Variants in FAM120AOS observed in about 807,000 individuals in gnomAD.
FAM120AOS encodes the protein uncharacterized protein FAM120AOS.
A neutral mutation model predicts 20.2 loss-of-function variants in FAM120AOS; 15 were observed. That is an observed-to-expected ratio of 0.74 (90% confidence interval 0.50 to 1.15). The LOEUF (loss-of-function observed/expected upper bound fraction) is 1.15, where lower values mean the gene tolerates loss of function less well. FAM120AOS is among the 50% of genes most tolerant of loss of function. The probability of loss-of-function intolerance (pLI) is 0.00; values close to 1 mark genes in which losing one functional copy is unlikely to be tolerated. For synonymous variants in FAM120AOS, 154 were observed against 154.0 expected (o/e 1.00, Z 0.00); for missense variants, 327 against 351.9 (o/e 0.93, Z 0.57).
In FAM120AOS at chr9:93,452,427, C is replaced by T. The variant is rs1013288049; in HGVS notation, c.283G>A (p.Gly95Ser). ...ALGRGIGVRR[G>S]PGPRPARIPG... ...ATCCGGGCGGGCCGGGGACCGGGGC[C>T]GCGCCGCACCCCTATCCCCCTTCCC... The change falls in exon 1 of 3, where the codon GGC becomes AGC. Residue 95 changes from glycine (G) to serine (S), a missense_variant. Physicochemically the swap from Gly to Ser is moderately conservative, Grantham distance 56. This residue lies in a region of FAM120AOS where 86 missense variants were observed against 140.2 expected (regional missense o/e 0.61). Transcript: ENST00000375412. This position sits in a 1 kb window ranked among gnomAD's most constrained non-coding sequence, Gnocchi z 7.0. 1 of 1,572,790 alleles carries T rather than the reference C, an allele frequency of 6.4e-7. No homozygotes were observed. Among genetic ancestry groups the T allele is most frequent in the African/African-American group, 1.3e-5 (1 of 74,222 alleles).
Position 93,446,527 on chromosome 9 carries a change from A to C in FAM120AOS, c.*1084T>G, listed in dbSNP as rs781384075. On this transcript the variant is annotated 3_prime_UTR_variant, in exon 3 of 3. Coordinates refer to ENST00000375412, the MANE Select transcript of FAM120AOS (RefSeq NM_198841.4). ...ACATTGTAAAATATAGTTTACTTCA[A>C]AAGATGATCCTGAAGATCCCATCAC... 3.3e-5 allele frequency: 5 copies of C among 152,246 alleles called. No individual in the cohort carries two copies. Among genetic ancestry groups the C allele is most frequent in the Non-Finnish European group, 7.3e-5 (5 of 68,038 alleles). The allele number at this position is 152,246 out of a possible 1,614,324, so 9.4% of individuals were successfully genotyped here.
Position 93,453,274 on chromosome 9 carries a change from G to GC in FAM120AOS, c.-566dup. The GC allele has an allele frequency of 9.1e-6, 9 of 988,180 alleles. No individual in the cohort carries two copies. Among genetic ancestry groups the GC allele is most frequent in the Non-Finnish European group, 1.1e-5 (9 of 831,884 alleles). 61.2% of individuals were successfully genotyped at this position (988,180 alleles called of 1,614,324 possible). On this transcript the variant is annotated 5_prime_UTR_variant, in exon 1 of 3. The change creates a premature stop within an existing upstream ORF in the 5' untranslated region. Transcript: ENST00000375412. Reference sequence around the variant, plus strand: ...GGGTAATCAGAGCTCTATATCACCGGCCTCCTCTGGCCCTTTGGCAGAGGG... The same window carrying GC: ...GGGTAATCAGAGCTCTATATCACCGGCCCTCCTCTGGCCCTTTGGCAGAGGG...
At position 93,452,902 on chromosome 9, in the gene FAM120AOS, G is replaced by A. The variant is rs191040267; in HGVS notation, c.-193C>T. On this transcript the variant is annotated 5_prime_UTR_variant, in exon 1 of 3. Transcript: ENST00000375412. This position sits in a 1 kb window ranked among gnomAD's most constrained non-coding sequence, Gnocchi z 7.0. ...TGCTGCCGCCGCCCTTGCCAATGTT[G>A]TTAGCCCGGTGACAGCGAGACGTGT... 4.5e-4 allele frequency: 642 copies of A among 1,438,156 alleles called. 3 individuals are homozygous for A. The African/African-American group carries it at 8.5e-3, about 19-fold the overall frequency. The allele number at this position is 1,438,156 out of a possible 1,614,324, so 89.1% of individuals were successfully genotyped here. A position where few individuals can be genotyped will look rare whatever the true frequency, so the allele number is the denominator to read the frequency against.
rs963814427 is a variant in FAM120AOS at position 93,453,560 on chromosome 9, G to A, written c.-851C>T. 4 of 985,446 alleles carry A rather than the reference G, an allele frequency of 4.1e-6. No individual in the cohort carries two copies. The highest frequency in any genetic ancestry group is 4.8e-6 in the Non-Finnish European group (4 of 829,940). The allele number at this position is 985,446 out of a possible 1,614,324, so 61.0% of individuals were successfully genotyped here. A position where few individuals can be genotyped will look rare whatever the true frequency, so the allele number is the denominator to read the frequency against. Reference sequence around the variant, plus strand: ...TCGCGGTTGCCCCCACTGCCCGCGAGGAGATGGTGGTAGTTAAGCCTAAAA... The same window carrying A: ...TCGCGGTTGCCCCCACTGCCCGCGAAGAGATGGTGGTAGTTAAGCCTAAAA... On this transcript the variant is annotated 5_prime_UTR_variant, in exon 1 of 3. Coordinates refer to ENST00000375412, the MANE Select transcript of FAM120AOS (RefSeq NM_198841.4).
intron 2 of FAM120AOS, among the ~76,000 whole-genome samples, chr9:93,449,059 G>GTTTTTTTTTTT (rs141231806): frequency 7.0e-6 from 1 of 142,546 alleles, no homozygotes. Flanking sequence ...AATAAATAAA[G>GTTTTTTTTTTT]TTTTTTTTTT....
chr9:93,451,304 A>T, intron 1 of FAM120AOS: 1 of 1,455,440 alleles, frequency 6.9e-7, no homozygotes, highest in Non-Finnish European at 9.1e-7. Flanking sequence ...TGCTTCCCTC[A>T]GGAGCAGGCG....
Position 93,452,338 on chromosome 9 carries a change from C to G in FAM120AOS, c.372G>C (p.Thr124=). Residue 124 remains threonine, a synonymous_variant, in exon 1 of 3, where the codon ACG becomes ACC. Transcript: ENST00000375412. This position sits in a 1 kb window ranked among gnomAD's most constrained non-coding sequence, Gnocchi z 7.0. ...CGCCAAAGGTCTGGTTCCTGCCGCC[C>G]GTCTGCATGGCCCACTGCATCCGCC... ...SARRMQWAMQ[T]GGRNQTFGGG... The G allele has an allele frequency of 6.2e-7, 1 of 1,612,890 alleles. No individual in the cohort carries two copies. Among genetic ancestry groups the G allele is most frequent in the Non-Finnish European group, 8.5e-7 (1 of 1,179,840 alleles).
Position 93,452,551 on chromosome 9 carries a change from TG to T in FAM120AOS, c.158del (p.Pro53HisfsTer38). On this transcript the variant is annotated frameshift_variant, in exon 1 of 3. Transcript: ENST00000375412. LOFTEE classifies it high-confidence loss of function. The surrounding 1 kb of genome is among the most constrained non-coding windows in gnomAD (Gnocchi z 7.0). ...AWAARGLHPR[P>X]SILQPGPARL... is the part of the protein sequence containing the mutation. Reference sequence around the variant, plus strand: ...TGGCCGGGCCGGGCTGCAAGATGGATGGCCGCGGGTGCAGGCCGCGCGCTGC... The same window carrying T: ...TGGCCGGGCCGGGCTGCAAGATGGATGCCGCGGGTGCAGGCCGCGCGCTGC... 1 of 1,580,546 alleles carries T rather than the reference TG, an allele frequency of 6.3e-7. No individual in the cohort carries two copies. The highest frequency in any genetic ancestry group is 8.5e-7 in the Non-Finnish European group (1 of 1,169,956).
intron 1 of FAM120AOS, 32 bp from the exon 2 acceptor site, chr9:93,450,631 G>C: frequency 1.2e-6 from 2 of 1,608,606 alleles, no homozygotes; most frequent in Non-Finnish European, 1.7e-6. Context: ...AGAGATGAAG[G>C]TAAGTAAAAG....
At chr9:93,448,760 G>A (rs1368081493) in intron 2 of FAM120AOS, among the ~76,000 whole-genome samples, 1 of 152,004 alleles carries the variant, frequency 6.6e-6, no homozygotes, top group Non-Finnish European at 1.5e-5. Flanking sequence ...TGGGACTATA[G>A]GCGCCTGCCA....
chr9:93,446,738 C>T lies in FAM120AOS; in HGVS notation c.*873G>A, dbSNP rs989245770. The T allele has an allele frequency of 9.9e-5, 15 of 152,114 alleles. No individual in the cohort carries two copies. The highest frequency in any genetic ancestry group is 5.8e-4 in the East Asian group (3 of 5,184). 9.4% of individuals were successfully genotyped at this position (152,114 alleles called of 1,614,324 possible). On this transcript the variant is annotated 3_prime_UTR_variant, in exon 3 of 3. Coordinates refer to ENST00000375412, the MANE Select transcript of FAM120AOS (RefSeq NM_198841.4). Reference sequence around the variant, plus strand: ...AGAGTCTATAGCACTCATCTGAAGGCCCTCCATGAGAACAACTCTTCTCTT... The same window carrying T: ...AGAGTCTATAGCACTCATCTGAAGGTCCTCCATGAGAACAACTCTTCTCTT...
Position 93,453,008 on chromosome 9 carries a change from C to T in FAM120AOS, c.-299G>A. On this transcript the variant is annotated 5_prime_UTR_variant, in exon 1 of 3. Transcript: ENST00000375412. The stretch of plus-strand genomic sequence containing the variant: ...TCTTAGTACAGGGTGTTTAGAGAAT[C>T]TTTCTATGGCTTTTTGTGTTAGATT... The T allele has an allele frequency of 8.2e-7, 1 of 1,216,820 alleles. No individual in the cohort carries two copies. The highest frequency in any genetic ancestry group is 1.0e-6 in the Non-Finnish European group (1 of 974,510). The allele number at this position is 1,216,820 out of a possible 1,614,324, so 75.4% of individuals were successfully genotyped here. A position where few individuals can be genotyped will look rare whatever the true frequency, so the allele number is the denominator to read the frequency against.
rs915344226 is a variant in FAM120AOS at position 93,444,301 on chromosome 9, A to G, written c.*3310T>C. ...GTGATCCACCCGTCTTGGCCTCCCA[A>G]AGTGCTGGGATGACAGGCGTGAGCC... On this transcript the variant is annotated 3_prime_UTR_variant, in exon 3 of 3. Coordinates refer to ENST00000375412, the MANE Select transcript of FAM120AOS (RefSeq NM_198841.4). Among the ~76,000 whole-genome samples the G allele has an allele frequency of 6.6e-4, 100 of 152,092 alleles. 1 individual carries two copies. The highest frequency in any genetic ancestry group is 5.0e-4 in the Non-Finnish European group (34 of 67,950).
chr9:93,447,717 G>C lies in FAM120AOS; in HGVS notation c.685-20C>G, dbSNP rs749613750. ...GGAAATCTGAAAAGAAAAAAAAAAAGGTAGTTTATATATTAGTTTGGAATA... is the reference window on the plus strand; with the variant it reads ...GGAAATCTGAAAAGAAAAAAAAAAACGTAGTTTATATATTAGTTTGGAATA... On this transcript the variant is annotated intron_variant, in intron 2 of 2. Transcript: ENST00000375412. 2 of 1,544,684 alleles carry C rather than the reference G, an allele frequency of 1.3e-6. No individual in the cohort carries two copies. The highest frequency in any genetic ancestry group is 2.3e-5 in the South Asian group (2 of 88,884).
At chr9:93,448,079 C>T (rs1041770089) in intron 2 of FAM120AOS, among the ~76,000 whole-genome samples, 1 of 152,224 alleles carries the variant, frequency 6.6e-6, no homozygotes, top group African/African-American at 2.4e-5. Flanking sequence ...GTCTGCTGGT[C>T]TCCCAACATC....
At chr9:93,450,971 T>G (rs1029125126) in intron 1 of FAM120AOS, 5 of 1,469,918 alleles carry the variant, frequency 3.4e-6, no homozygotes, top group Middle Eastern at 1.7e-4. Flanking sequence ...GTCTCTTCCG[T>G]GACGAGCAGG....
At position 93,452,586 on chromosome 9, in the gene FAM120AOS, G is replaced by C; in HGVS notation, c.124C>G (p.Arg42Gly). ...TGCAGGCCGCGCGCTGCCCAAGCCC[G>C]TCTCCAGCTGTCCCTGTTCGGGGTC... Reference protein sequence around the residue: ...PRTPNRDSWRRAWAARGLHPR... With the variant: ...PRTPNRDSWRGAWAARGLHPR... The change falls in exon 1 of 3, where the codon CGG becomes GGG. Residue 42 changes from arginine to glycine, a missense_variant. Coordinates refer to ENST00000375412, the MANE Select transcript of FAM120AOS (RefSeq NM_198841.4). The surrounding 1 kb of genome is among the most constrained non-coding windows in gnomAD (Gnocchi z 7.0). 1 of 1,597,412 alleles carries C rather than the reference G, an allele frequency of 6.3e-7. No individual in the cohort carries two copies. Among genetic ancestry groups the C allele is most frequent in the Non-Finnish European group, 8.5e-7 (1 of 1,178,942 alleles).
rs1263080469 is a variant in FAM120AOS at position 93,452,622 on chromosome 9, T to G, written c.88A>C (p.Thr30Pro). The stretch of plus-strand genomic sequence containing the variant: ...TCCCTGTTCGGGGTCCGCGGCCGCG[T>G]GGGGACACTTGAGGGCTGGGAGAGA... ...GALSQPSSVP[T>P]RPRTPNRDSW... is the part of the protein sequence containing the mutation. The change falls in exon 1 of 3, where the codon ACG becomes CCG. Residue 30 changes from threonine (T) to proline (P), a missense_variant. Physicochemically the swap from Thr to Pro is conservative, Grantham distance 38. Coordinates refer to ENST00000375412, the MANE Select transcript of FAM120AOS (RefSeq NM_198841.4). The surrounding 1 kb of genome is among the most constrained non-coding windows in gnomAD (Gnocchi z 7.0). 1 of 1,599,122 alleles carries G rather than the reference T, an allele frequency of 6.3e-7. No homozygotes were observed. The highest frequency in any genetic ancestry group is 8.5e-7 in the Non-Finnish European group (1 of 1,179,824).
In FAM120AOS at chr9:93,443,578, T is replaced by A. The variant is rs1856761140; in HGVS notation, c.*4033A>T. On this transcript the variant is annotated 3_prime_UTR_variant, in exon 3 of 3. Transcript: ENST00000375412. ...AAATTCCCTGAAGAATGTTTCTTTT[T>A]TTTCTGTTTTGTCAGGCAATCAGCC... Among the ~76,000 whole-genome samples, 2 of 152,230 alleles carry A rather than the reference T, an allele frequency of 1.3e-5. No individual in the cohort carries two copies. Among genetic ancestry groups the A allele is most frequent in the African/African-American group, 4.8e-5 (2 of 41,454 alleles).
Sources: allele counts gnomAD v4.1 joint callset (sites outside exome capture counted in the v4.1 genomes callset), GRCh38; gene constraint gnomAD v4.1.1; regional missense constraint gnomAD v4.1.1; non-coding constraint Gnocchi (gnomAD v3.1); transcripts MANE v1.5; gene names NCBI Gene and HGNC (gene_info 2026-07-23, HGNC 2026-07-21).